Variants in CHN1 observed in about 807,000 individuals in gnomAD.
CHN1 encodes N-chimaerin.
CHN1 carries 37 observed loss-of-function variants against 59.5 expected under a neutral mutation model. The ratio of observed to expected loss-of-function variants is 0.62; its 90% CI spans 0.48 to 0.82. The LOEUF (loss-of-function observed/expected upper bound fraction) is 0.82, where lower values mean the gene tolerates loss of function less well. CHN1 is among the 40% of genes least tolerant of loss of function. The pLI is 0.00. For synonymous variants in CHN1, 206 were observed against 200.4 expected (o/e 1.03, Z -0.24); for missense variants, 469 against 571.0 (o/e 0.82, Z 1.82).
At chr2:174,941,651 G>T (rs1358126988) in intron 3 of CHN1, among the ~76,000 whole-genome samples, 1 of 152,068 alleles carries the variant, frequency 6.6e-6, no homozygotes, top group Non-Finnish European at 1.5e-5. Context: ...CATGTTGAAC[G>T]TTTGATCATC....
chr2:174,936,970 T>TA (rs1251061845), intron 3 of CHN1, among the ~76,000 whole-genome samples: 7 of 152,156 alleles, frequency 4.6e-5, no homozygotes, highest in Non-Finnish European at 7.4e-5. Context: ...TAACCTTTAA[T>TA]AAAAAAATCA....
chr2:174,966,398 A>C (rs1690592341), intron 1 of CHN1, among the ~76,000 whole-genome samples: 1 of 152,100 alleles, frequency 6.6e-6, no homozygotes, highest in Admixed American at 6.5e-5. Flanking sequence ...ACTTCATCAA[A>C]GATCACAGAA....
chr2:174,846,457 T>A (rs1686519937), intron 7 of CHN1: 3 of 1,518,614 alleles, frequency 2.0e-6, no homozygotes, highest in Non-Finnish European at 8.8e-7. Flanking sequence ...ATGCAAACCA[T>A]CTGCTCAATC....
At chr2:174,923,700 T>A (rs1221388795) in intron 3 of CHN1, among the ~76,000 whole-genome samples, 1 of 152,184 alleles carries the variant, frequency 6.6e-6, no homozygotes, top group Admixed American at 6.5e-5. Flanking sequence ...TGGCAATCCA[T>A]TACATTTCCC....
chr2:174,892,039 C>G (rs1195589919), intron 5 of CHN1, among the ~76,000 whole-genome samples: 3 of 152,084 alleles, frequency 2.0e-5, no homozygotes. Flanking sequence ...CCTACCAAGA[C>G]TGAATTATAA....
Position 174,996,033 on chromosome 2 carries a change from G to C in CHN1, c.19+8861C>G, listed in dbSNP as rs920617316. 9.1e-5 allele frequency among the ~76,000 whole-genome samples: 12 copies of C among 132,396 alleles called. No individual in the cohort carries two copies. In the East Asian group the frequency reaches 2.6e-3, roughly 29 times the overall value. The allele number at this position is 132,396 out of a possible 152,430, so 86.9% of individuals were successfully genotyped here. On this transcript the variant is annotated intron_variant, in intron 1 of 12. Transcript: ENST00000409900. ...ATTTTGCCATCGCTATGTTTGTATA[G>C]GAAAAAACATAGTAGATAATAGGGT... is the stretch of plus-strand genomic sequence containing the variant.
At chr2:174,882,547 A>C (rs1222792561) in intron 5 of CHN1, among the ~76,000 whole-genome samples, 1 of 152,208 alleles carries the variant, frequency 6.6e-6, no homozygotes, top group Non-Finnish European at 1.5e-5. Flanking sequence ...TTCTAATTTG[A>C]GGCCAAAGTG....
At chr2:174,891,140 CAAAAAAAA>C (rs58016502) in intron 5 of CHN1, among the ~76,000 whole-genome samples, 292 of 24,388 alleles carry the variant, frequency 0.012, 2 homozygotes, top group African/African-American at 0.014. Context: ...GACTCCATCT[CAAAAAAAA>C]AAAAAAAAAA....
chr2:174,803,626 C>T (rs1295556352), intron 11 of CHN1, among the ~76,000 whole-genome samples: 3 of 152,202 alleles, frequency 2.0e-5, no homozygotes, highest in African/African-American at 7.2e-5. Flanking sequence ...ATGATGATGG[C>T]TCACTGCAGC....
chr2:174,915,673 G>A (rs1161069737), intron 4 of CHN1, among the ~76,000 whole-genome samples: 1 of 152,046 alleles, frequency 6.6e-6, no homozygotes, highest in Non-Finnish European at 1.5e-5. Flanking sequence ...CTGCATTACT[G>A]AACACTCAAG....
chr2:174,876,812 G>A (rs1687578421), intron 6 of CHN1, among the ~76,000 whole-genome samples: 1 of 152,118 alleles, frequency 6.6e-6, no homozygotes, highest in East Asian at 1.9e-4. Flanking sequence ...GTGTCTACAT[G>A]TGCCAAGTGC....
At position 174,989,127 on chromosome 2, in the gene CHN1, C is replaced by T. The variant is rs192654845; in HGVS notation, c.19+15767G>A. Among the ~76,000 whole-genome samples, 243 of 150,006 alleles carry T rather than the reference C, an allele frequency of 1.6e-3. 1 individual carries two copies. The highest frequency in any genetic ancestry group is 5.8e-3 in the African/African-American group (239 of 40,874). On this transcript the variant is annotated intron_variant, in intron 1 of 12. Transcript: ENST00000409900. Reference sequence around the variant, plus strand: ...GCATGGTGGCTCACACCTGTAATCCCAGCATTTAGGGAGGCTGAGGTGGGC... The same window carrying T: ...GCATGGTGGCTCACACCTGTAATCCTAGCATTTAGGGAGGCTGAGGTGGGC...
At chr2:174,990,213 G>GGT (rs149109410) in intron 1 of CHN1, among the ~76,000 whole-genome samples, 2 of 149,608 alleles carry the variant, frequency 1.3e-5, no homozygotes, top group African/African-American at 2.5e-5. Flanking sequence ...GTGTGTGCGG[G>GGT]GTGTGTGTGT....
chr2:174,949,538 AT>A (rs1270559114), intron 2 of CHN1, among the ~76,000 whole-genome samples: 1 of 151,844 alleles, frequency 6.6e-6, no homozygotes, highest in Non-Finnish European at 1.5e-5. Flanking sequence ...TTTATTTCTT[AT>A]TTTTTGGTAG....
intron 6 of CHN1, among the ~76,000 whole-genome samples, chr2:174,850,322 T>A (rs934163177): frequency 2.0e-5 from 3 of 152,210 alleles, no homozygotes; most frequent in Non-Finnish European, 2.9e-5. Flanking sequence ...AATATATATT[T>A]GGTTAAAAAA....
intron 2 of CHN1, among the ~76,000 whole-genome samples, chr2:174,951,435 G>A (rs1690022109): frequency 6.6e-6 from 1 of 152,134 alleles, no homozygotes; most frequent in Admixed American, 6.5e-5. Flanking sequence ...TATAATTAAA[G>A]AACAGGTTTC....
At chr2:174,812,949 A>G (rs1558934001) in intron 8 of CHN1, among the ~76,000 whole-genome samples, 1 of 152,214 alleles carries the variant, frequency 6.6e-6, no homozygotes, top group East Asian at 1.9e-4. Flanking sequence ...GTTTATATCT[A>G]TCTGTAATCC....
rs2105401734 is a variant in CHN1 at position 174,824,442 on chromosome 2, T to A, written c.704A>T (p.Lys235Ile). ...FMWGLIAQGV[K>I]CADCGLNVHK... ...AAGACAAGAGCTCTTACCTGCACAT[T>A]TCACTCCCTGAGCAATGAGACCCCA... The change falls in exon 8 of 13, where the codon AAA (lysine) becomes ATA (isoleucine). Residue 235 changes from lysine to isoleucine, a missense_variant. Coordinates refer to ENST00000409900, the MANE Select transcript of CHN1 (RefSeq NM_001822.7). 1.2e-6 allele frequency: 2 copies of A among 1,604,538 alleles called. No individual in the cohort carries two copies. Among genetic ancestry groups the A allele is most frequent in the Non-Finnish European group, 1.7e-6 (2 of 1,175,558 alleles).
chr2:174,822,530 A>G (rs927194484), intron 8 of CHN1, among the ~76,000 whole-genome samples: 5 of 152,220 alleles, frequency 3.3e-5, no homozygotes, highest in Admixed American at 2.0e-4. Flanking sequence ...CTTACTCATG[A>G]AAGAAAAGCT....
Sources: gnomAD v4.1 joint callset for allele counts (sites outside exome capture counted in the v4.1 genomes callset) on GRCh38, gnomAD v4.1.1 for gene constraint, MANE v1.5 for transcripts, NCBI Gene and HGNC (gene_info 2026-07-23, HGNC 2026-07-21) for gene names.